CAMK4: variants seen among roughly 807,000 people sequenced by gnomAD.
The protein encoded by CAMK4 is calcium/calmodulin-dependent protein kinase type IV.
Under a neutral mutation model 44.9 loss-of-function variants are expected in CAMK4, and 22 were observed. The observed-to-expected ratio is 0.49, with a 90% CI of 0.35 to 0.70. The LOEUF (loss-of-function observed/expected upper bound fraction) is 0.70. CAMK4 is among the 30% of genes least tolerant of loss of function. The pLI is 0.01. For synonymous variants in CAMK4, 218 were observed against 215.4 expected, an observed-to-expected ratio of 1.01 and a Z score of -0.11; for missense variants, 498 against 586.8, an observed-to-expected ratio of 0.85 and a Z score of 1.56.
intron 2 of CAMK4, 125 bp downstream of exon 2, chr5:111,344,227 T>G (rs775797713): frequency 1.8e-6 from 1 of 554,796 alleles, no homozygotes; most frequent in East Asian, 3.1e-5. Flanking sequence ...TGACTCTTGA[T>G]TACGGGAGTG....
At chr5:111,263,025 T>G (rs1750056541) in intron 1 of CAMK4, among the ~76,000 whole-genome samples, 1 of 152,202 alleles carries the variant, frequency 6.6e-6, no homozygotes, top group South Asian at 2.1e-4. Flanking sequence ...GAGTTGTTTC[T>G]AATATAAGTG....
At chr5:111,297,333 G>A (rs192105499) in intron 1 of CAMK4, among the ~76,000 whole-genome samples, 2 of 152,250 alleles carry the variant, frequency 1.3e-5, no homozygotes, top group Admixed American at 6.5e-5. Context: ...AAGTTCTCAA[G>A]TCTTTCCTGG....
chr5:111,420,893 G>A (rs1390596638), intron 5 of CAMK4, among the ~76,000 whole-genome samples: 1 of 152,060 alleles, frequency 6.6e-6, no homozygotes, highest in Non-Finnish European at 1.5e-5. Flanking sequence ...AAACACACAT[G>A]CTGTACAGTT....
intron 1 of CAMK4, among the ~76,000 whole-genome samples, chr5:111,296,031 A>G (rs1747469168): frequency 6.6e-6 from 1 of 152,216 alleles, no homozygotes; most frequent in Non-Finnish European, 1.5e-5. Flanking sequence ...TTCATTTAGA[A>G]AGAAATAACT....
chr5:111,293,631 T>C (rs960346046), intron 1 of CAMK4, among the ~76,000 whole-genome samples: 2 of 151,868 alleles, frequency 1.3e-5, no homozygotes, highest in Admixed American at 1.3e-4. Flanking sequence ...TTTACCACGT[T>C]GGCCAGGCTG....
At position 111,493,347 on chromosome 5, in the gene CAMK4, A is replaced by G. The variant is rs983065997; in HGVS notation, c.*8881A>G. 2 of 152,220 alleles carry G rather than the reference A, an allele frequency of 1.3e-5. No individual in the cohort carries two copies. Among genetic ancestry groups the G allele is most frequent in the African/African-American group, 4.8e-5 (2 of 41,464 alleles). The allele number at this position is 152,220 out of a possible 1,614,324, so 9.4% of individuals were successfully genotyped here. A position where few individuals can be genotyped will look rare whatever the true frequency, so the allele number is the denominator to read the frequency against. The stretch of plus-strand genomic sequence containing the variant: ...TTGGCCAGGTCTCCACTGACAAAAC[A>G]GAGTAAATGATAGTATGACAGATAA... On this transcript the variant is annotated 3_prime_UTR_variant, in exon 11 of 11. Transcript: ENST00000282356. The surrounding 1 kb of genome is among the most constrained non-coding windows in gnomAD (Gnocchi z 4.1).
chr5:111,445,897 G>A (rs1274062090), intron 5 of CAMK4, among the ~76,000 whole-genome samples: 1 of 152,064 alleles, frequency 6.6e-6, no homozygotes, highest in African/African-American at 2.4e-5. Flanking sequence ...CAAACTTTTT[G>A]GGAAAAAACG....
chr5:111,443,317 A>ATATATACTATATATATACTATATATATAG (rs1561491419), intron 5 of CAMK4, among the ~76,000 whole-genome samples: 1 of 127,672 alleles, frequency 7.8e-6, no homozygotes, highest in African/African-American at 2.9e-5. Context: ...CACACACACT[A>ATATATACTATATATATACTATATATATAG]TATATATATA....
chr5:111,449,088 G>T, intron 6 of CAMK4, 41 bp from the exon 7 acceptor site: 1 of 836,076 alleles, frequency 1.2e-6, no homozygotes, highest in South Asian at 1.5e-5. Context: ...CATAAAAGCT[G>T]AGAAGACGTG....
chr5:111,417,035 A>G (rs997090309), intron 5 of CAMK4, among the ~76,000 whole-genome samples: 1 of 152,122 alleles, frequency 6.6e-6, no homozygotes, highest in Non-Finnish European at 1.5e-5. Flanking sequence ...ATTGGATTCA[A>G]TTTATCAACT....
chr5:111,437,553 T>C (rs1342526555), intron 5 of CAMK4, among the ~76,000 whole-genome samples: 2 of 151,986 alleles, frequency 1.3e-5, no homozygotes, highest in Non-Finnish European at 2.9e-5. Context: ...TAAAGAAAAA[T>C]AGGCAGCATC....
At chr5:111,340,851 TG>T (rs1749611790) in intron 1 of CAMK4, among the ~76,000 whole-genome samples, 1 of 151,034 alleles carries the variant, frequency 6.6e-6, no homozygotes, top group Non-Finnish European at 1.5e-5. Context: ...CTTTTCTTTT[TG>T]TTTTTTGATG....
Position 111,224,691 on chromosome 5 carries a change from G to C in CAMK4, c.161+47G>C. 1 of 1,562,408 alleles carries C rather than the reference G, an allele frequency of 6.4e-7. No individual in the cohort carries two copies. The highest frequency in any genetic ancestry group is 8.7e-7 in the Non-Finnish European group (1 of 1,151,560). ...GGGAAGCCCGCGGCGTGCACTGGGG[G>C]TTGTCCCTCTCGCAGCGACGGCTCG... On this transcript the variant is annotated intron_variant, in intron 1 of 10. Coordinates refer to ENST00000282356, the MANE Select transcript of CAMK4 (RefSeq NM_001744.6). The surrounding 1 kb of genome is among the most constrained non-coding windows in gnomAD (Gnocchi z 5.7).
chr5:111,435,333 T>A (rs1753607083), intron 5 of CAMK4, among the ~76,000 whole-genome samples: 1 of 152,116 alleles, frequency 6.6e-6, no homozygotes, highest in African/African-American at 2.4e-5. Flanking sequence ...CCAAAACTCT[T>A]TTCTTTCTCC....
intron 8 of CAMK4, among the ~76,000 whole-genome samples, chr5:111,475,729 T>C (rs529249102): frequency 1.3e-5 from 2 of 152,358 alleles, no homozygotes; most frequent in South Asian, 4.1e-4. Context: ...GGACGTTTTA[T>C]TTACTCTGTA....
At chr5:111,258,312 T>C (rs1052301015) in intron 1 of CAMK4, among the ~76,000 whole-genome samples, 7 of 152,198 alleles carry the variant, frequency 4.6e-5, no homozygotes, top group Non-Finnish European at 7.3e-5. Flanking sequence ...GATATATGTA[T>C]ACTTCAGAAA....
At chr5:111,366,067 G>A (rs1750782607) in intron 2 of CAMK4, among the ~76,000 whole-genome samples, 1 of 152,046 alleles carries the variant, frequency 6.6e-6, no homozygotes, top group Non-Finnish European at 1.5e-5. Flanking sequence ...TTATGCATAG[G>A]GAATCATTGG....
rs76136055 is a variant in CAMK4 at position 111,280,718 on chromosome 5, G to A, written c.161+56074G>A. ...TGGGTTATTTAAACAGATGGTAACT[G>A]TGACACAGTGAGCTCTACATGCAAA... On this transcript the variant is annotated intron_variant, in intron 1 of 10. Transcript: ENST00000282356. Among the ~76,000 whole-genome samples the A allele has an allele frequency of 3.4e-3, 521 of 152,348 alleles. 4 individuals carry two copies. The highest frequency in any genetic ancestry group is 0.012 in the African/African-American group (495 of 41,576).
rs1268798462 is a variant in CAMK4 at position 111,224,696 on chromosome 5, C to T, written c.161+52C>T. 6 of 1,552,962 alleles carry T rather than the reference C, an allele frequency of 3.9e-6. No individual in the cohort carries two copies. Among genetic ancestry groups the T allele is most frequent in the Admixed American group, 1.8e-5 (1 of 54,818 alleles). On this transcript the variant is annotated intron_variant, in intron 1 of 10. Transcript: ENST00000282356. The surrounding 1 kb of genome is among the most constrained non-coding windows in gnomAD (Gnocchi z 5.7). ...GCCCGCGGCGTGCACTGGGGGTTGT[C>T]CCTCTCGCAGCGACGGCTCGGAGGG...
Sources: allele counts gnomAD v4.1 joint callset (sites outside exome capture counted in the v4.1 genomes callset), GRCh38; gene constraint gnomAD v4.1.1; non-coding constraint Gnocchi (gnomAD v3.1); transcripts MANE v1.5; gene names NCBI Gene and HGNC (gene_info 2026-07-23, HGNC 2026-07-21).